The following FLG variants were observed in gnomAD, a reference collection of about 807,000 sequenced individuals.
The protein encoded by FLG is filaggrin, also known as epidermal filaggrin.
In FLG, 6 loss-of-function variants were observed where a neutral mutation model predicts 3.8. That is an observed-to-expected ratio of 1.60 (90% CI 0.87 to 3.15). FLG has a LOEUF of 3.15. FLG is among the 30% of genes most tolerant of loss of function. The pLI is 0.00. For synonymous variants in FLG, 2,551 were observed against 1,931.6 expected, an observed-to-expected ratio of 1.32 and a Z score of -8.41; for missense variants, 7,595 against 5,050.9, an observed-to-expected ratio of 1.50 and a Z score of -15.27.
chr1:152,309,748 C>A lies in FLG; in HGVS notation c.5138G>T (p.Gly1713Val). ...GTCACTGGCCTGGCTACCACTGGAC[C>A]CTCGGTTTCCACTGTCTCCGACTAC... ...SSVVGDSGNRGSSGSQASDSE... is the reference protein window; with the variant it reads ...SSVVGDSGNRVSSGSQASDSE... Residue 1713 changes from glycine to valine, a missense_variant, in exon 3 of 3, where the codon GGG becomes GTG. Physicochemically the swap from Gly to Val is moderately radical, Grantham distance 109. Coordinates refer to ENST00000368799, the MANE Select transcript of FLG (RefSeq NM_002016.2). The A allele has an allele frequency of 6.2e-7, 1 of 1,613,990 alleles. No individual in the cohort carries two copies. The highest frequency in any genetic ancestry group is 8.5e-7 in the Non-Finnish European group (1 of 1,179,998).
At position 152,308,809 on chromosome 1, in the gene FLG, T is replaced by C; in HGVS notation, c.6077A>G (p.Gln2026Arg). 1 of 1,614,184 alleles carries C rather than the reference T, an allele frequency of 6.2e-7. No homozygotes were observed. Among genetic ancestry groups the C allele is most frequent in the Non-Finnish European group, 8.5e-7 (1 of 1,180,016 alleles). ...ACTGTCTCTGACTGCAGATGAAGCT[T>C]GTCCATGCCCAATGCCTGAGTGTCT... ...SSRHSGIGHGQASSAVRDSGH... is the reference protein window; with the variant it reads ...SSRHSGIGHGRASSAVRDSGH... Residue 2026 changes from glutamine (Q) to arginine (R), a missense_variant, in exon 3 of 3, where the codon CAA becomes CGA. Transcript: ENST00000368799.
chr1:152,317,734 C>T (rs1314155992), intron 1 of FLG, among the ~76,000 whole-genome samples: 1 of 152,022 alleles, frequency 6.6e-6, no homozygotes, highest in Non-Finnish European at 1.5e-5. Context: ...TGACTGTCCC[C>T]TAAACTTGAG....
rs1437654638 is a variant in FLG, at chr1:152,311,604, G to C, written c.3282C>G (p.Pro1094=). Residue 1094 remains proline (P), a synonymous_variant, in exon 3 of 3, where the codon CCC becomes CCG. Transcript: ENST00000368799. The stretch of plus-strand genomic sequence containing the variant: ...CGGACTCTTGGTGGCTCTGCTGATG[G>C]GGCCCATCCTGTCCATGGCCTGACA... ...QSVSGHGQDG[P]HQQSHQESAR... 6.2e-7 allele frequency: 1 copy of C among 1,614,048 alleles called. No individual in the cohort carries two copies. The highest frequency in any genetic ancestry group is 8.5e-7 in the Non-Finnish European group (1 of 1,180,008).
At position 152,310,808 on chromosome 1, in the gene FLG, G is replaced by A. The variant is rs372081313; in HGVS notation, c.4078C>T (p.Arg1360Cys). The part of the protein sequence containing the change: ...RSSPGERHGS[R>C]HQQSADSSRH... ...GAGCTGTCTGCTGACTGCTGGTGGC[G>A]GGATCCATGTCTTTCTCCTGGACTT... The change falls in exon 3 of 3, where the codon CGC (arginine) becomes TGC (cysteine). Residue 1360 changes from arginine to cysteine, a missense_variant. Transcript: ENST00000368799. The A allele has an allele frequency of 7.3e-5, 117 of 1,611,602 alleles. No homozygotes were observed. The highest frequency in any genetic ancestry group is 2.1e-4 in the African/African-American group (16 of 74,790).
In FLG at chr1:152,313,388, C is replaced by G; in HGVS notation, c.1498G>C (p.Ala500Pro). The change falls in exon 3 of 3, where the codon GCA becomes CCA. Residue 500 changes from alanine to proline, a missense_variant. By Grantham distance (27) the Ala-to-Pro change is conservative. Transcript: ENST00000368799. ...GCTGAATGCCTGGAGCTGTCTCGTG[C>G]CTGCTCGTGGTGCGATCCTTGTCTT... ...GGRQGSHHEQ[A>P]RDSSRHSASQ... 8.1e-6 allele frequency: 13 copies of G among 1,613,442 alleles called. No homozygotes were observed. The highest frequency in any genetic ancestry group is 1.1e-5 in the Non-Finnish European group (13 of 1,179,800).
rs74129452 is a variant in FLG at position 152,308,424 on chromosome 1, T to C, written c.6462A>G (p.Gln2154=). The C allele has an allele frequency of 1.7e-5, 28 of 1,605,704 alleles. 1 individual carries two copies. Among genetic ancestry groups the C allele is most frequent in the Non-Finnish European group, 2.2e-5 (26 of 1,176,650 alleles). ...PSRGGRQGSH[Q]EQSVDRSGHS... Reference sequence around the variant, plus strand: ...GTCCAGACCTATCTACCGATTGCTCTTGGTGGGACCCCTGTCTTCCTCCTC... The same window carrying C: ...GTCCAGACCTATCTACCGATTGCTCCTGGTGGGACCCCTGTCTTCCTCCTC... Residue 2154 remains glutamine, a synonymous_variant, in exon 3 of 3, where the codon CAA becomes CAG. Transcript: ENST00000368799.
Position 152,309,138 on chromosome 1 carries a change from G to A in FLG, c.5748C>T (p.Ser1916=), listed in dbSNP as rs576960823. The A allele has an allele frequency of 1.9e-6, 3 of 1,613,712 alleles. No homozygotes were observed. Among genetic ancestry groups the A allele is most frequent in the African/African-American group, 2.7e-5 (2 of 75,008 alleles). ...SGPRTSRNQG[S]SVSQDSDSQG... ...GACTGTCACTGTCCTGGCTAACACT[G>A]GATCCCTGGTTCCTGCTTGTCCTGG... The change falls in exon 3 of 3, where the codon TCC becomes TCT. Residue 1916 remains serine (S), a synonymous_variant. Transcript: ENST00000368799.
chr1:152,320,909 A>G (rs539620002), intron 1 of FLG, among the ~76,000 whole-genome samples: 122 of 151,170 alleles, frequency 8.1e-4, no homozygotes, highest in African/African-American at 2.8e-3. Flanking sequence ...TTGAAAATTA[A>G]TGACTTCTAA....
chr1:152,313,054 G>A lies in FLG; in HGVS notation c.1832C>T (p.Pro611Leu), dbSNP rs749185132. Residue 611 changes from proline to leucine, a missense_variant, in exon 3 of 3, where the codon CCC (proline) becomes CTC (leucine). Pro to Leu is a moderately conservative substitution (Grantham distance 98). Coordinates refer to ENST00000368799, the MANE Select transcript of FLG (RefSeq NM_002016.2). The part of the protein sequence containing the change: ...SQVGQGQSSG[P>L]RTSRNQGSSV... ...GGATCCCTGGTTCCTACTTGTCCTG[G>A]GCCCCGATGATTGTCCCTGGCCCAC... The A allele has an allele frequency of 3.1e-6, 5 of 1,613,770 alleles. No individual in the cohort carries two copies. Among genetic ancestry groups the A allele is most frequent in the Admixed American group, 3.3e-5 (2 of 59,986 alleles).
chr1:152,311,434 TCTCGTGCCTG>T lies in FLG; in HGVS notation c.3442_3451del (p.Gln1148ThrfsTer35). On this transcript the variant is annotated frameshift_variant, in exon 3 of 3. Coordinates refer to ENST00000368799, the MANE Select transcript of FLG (RefSeq NM_002016.2). LOFTEE classifies it low-confidence loss of function (END_TRUNC). ...TTGGGACGCTGAGTGCCTGGAGCTG[TCTCGTGCCTG>T]CTCGTGGTGGGATCCTTGTCTTCGT... 6.2e-7 allele frequency: 1 copy of T among 1,613,976 alleles called. No homozygotes were observed. The highest frequency in any genetic ancestry group is 8.5e-7 in the Non-Finnish European group (1 of 1,179,972).
At chr1:152,321,873 C>G (rs943192129) in intron 1 of FLG, among the ~76,000 whole-genome samples, 2 of 151,142 alleles carry the variant, frequency 1.3e-5, no homozygotes, top group Non-Finnish European at 3.0e-5. Flanking sequence ...AGGACAATTC[C>G]TTTCATATAG....
rs555631824 is a variant in FLG, at chr1:152,309,890, C to T, written c.4996G>A (p.Ala1666Thr). Residue 1666 changes from alanine to threonine, a missense_variant, in exon 3 of 3, where the codon GCT (alanine) becomes ACT (threonine). Coordinates refer to ENST00000368799, the MANE Select transcript of FLG (RefSeq NM_002016.2). ...RHAETSSGGQAASSQEQARSS... is the reference protein window; with the variant it reads ...RHAETSSGGQTASSQEQARSS... The stretch of plus-strand genomic sequence containing the variant: ...CTTGCCTGTTCCTGGGATGATGCAG[C>T]CTGTCCACCAGAGGAAGTCTCTGCA... 24 of 1,614,066 alleles carry T rather than the reference C, an allele frequency of 1.5e-5. No homozygotes were observed. In the East Asian group the frequency reaches 4.7e-4, roughly 31 times the overall value.
In FLG at chr1:152,302,881, T is replaced by A. The variant is rs200277568; in HGVS notation, c.12005A>T (p.Asn4002Ile). The change falls in exon 3 of 3, where the codon AAT (asparagine) becomes ATT (isoleucine). Residue 4002 changes from asparagine to isoleucine, a missense_variant. Coordinates refer to ENST00000368799, the MANE Select transcript of FLG (RefSeq NM_002016.2). ...TTCCTTGAAAACAACAGGATTGGAA[T>A]TGTAACTAACACTTCCGTGCTGAGA... ...RHSQHGSVSY[N>I]SNPVVFKERS... 2 of 1,614,166 alleles carry A rather than the reference T, an allele frequency of 1.2e-6. No homozygotes were observed. The highest frequency in any genetic ancestry group is 2.2e-5 in the East Asian group (1 of 44,886).
At position 152,311,405 on chromosome 1, in the gene FLG, C is replaced by T. The variant is rs927863328; in HGVS notation, c.3481G>A (p.Gly1161Ser). 4 of 1,613,292 alleles carry T rather than the reference C, an allele frequency of 2.5e-6. No individual in the cohort carries two copies. Among genetic ancestry groups the T allele is most frequent in the Admixed American group, 1.7e-5 (1 of 59,938 alleles). Reference protein sequence around the residue: ...DSSRHSASQEGQDTIRAHPGS... With the variant: ...DSSRHSASQESQDTIRAHPGS... ...GGGTGTGCACGAATGGTGTCCTGAC[C>T]CTCTTGGGACGCTGAGTGCCTGGAG... Residue 1161 changes from glycine to serine, a missense_variant, in exon 3 of 3, where the codon GGT becomes AGT. By Grantham distance (56) the Gly-to-Ser change is moderately conservative. Coordinates refer to ENST00000368799, the MANE Select transcript of FLG (RefSeq NM_002016.2).
At position 152,310,495 on chromosome 1, in the gene FLG, C is replaced by T. The variant is rs2101646872; in HGVS notation, c.4391G>A (p.Gly1464Glu). The T allele has an allele frequency of 6.2e-7, 1 of 1,613,514 alleles. No individual in the cohort carries two copies. Among genetic ancestry groups the T allele is most frequent in the African/African-American group, 1.3e-5 (1 of 74,834 alleles). ...CTGCTCATGGCGGGATCCTTGTCTT[C>T]CTCCAGTGCTGGGTGCAGTCTGTCC... ...THGQTAPSTGGRQGSRHEQAR... is the reference protein window; with the variant it reads ...THGQTAPSTGERQGSRHEQAR... Residue 1464 changes from glycine (G) to glutamate (E), a missense_variant, in exon 3 of 3, where the codon GGA becomes GAA. Transcript: ENST00000368799.
chr1:152,321,052 C>CTA (rs201366856), intron 1 of FLG, among the ~76,000 whole-genome samples: 17 of 149,822 alleles, frequency 1.1e-4, no homozygotes, highest in Non-Finnish European at 1.6e-4. Context: ...TATTTATAGC[C>CTA]TATATATATA....
In FLG at chr1:152,307,572, T is replaced by C. The variant is rs1274325968; in HGVS notation, c.7314A>G (p.Arg2438=). ...GTGCCTGCTTGTGGTGGGATCCTTG[T>C]CTTCCTCCAGTGCTGGTCCCGGTCC... ...HGRTGTSTGG[R]QGSHHKQARD... The change falls in exon 3 of 3, where the codon AGA becomes AGG. Residue 2438 remains arginine (R), a synonymous_variant. Transcript: ENST00000368799. 1.2e-6 allele frequency: 2 copies of C among 1,613,848 alleles called. No homozygotes were observed. Among genetic ancestry groups the C allele is most frequent in the Admixed American group, 3.3e-5 (2 of 59,994 alleles).
chr1:152,311,485 G>T lies in FLG; in HGVS notation c.3401C>A (p.Thr1134Asn). 2.5e-6 allele frequency: 4 copies of T among 1,613,866 alleles called. No individual in the cohort carries two copies. Among genetic ancestry groups the T allele is most frequent in the Non-Finnish European group, 3.4e-6 (4 of 1,179,962 alleles). ...TTGTCTTCGTCCAGTGCTGGTCCTG[G>T]TCCGCCCATGGGCAGACTCAGACTG... ...HEQSESAHGR[T>N]RTSTGRRQGS... is the part of the protein sequence containing the mutation. The change falls in exon 3 of 3, where the codon ACC becomes AAC. Residue 1134 changes from threonine (T) to asparagine (N), a missense_variant. Thr to Asn is a moderately conservative substitution (Grantham distance 65, BLOSUM62 0). Coordinates refer to ENST00000368799, the MANE Select transcript of FLG (RefSeq NM_002016.2).
At position 152,306,008 on chromosome 1, in the gene FLG, C is replaced by G. The variant is rs61690342; in HGVS notation, c.8878G>C (p.Gly2960Arg). 6.3e-7 allele frequency: 1 copy of G among 1,581,790 alleles called. No individual in the cohort carries two copies. Among genetic ancestry groups the G allele is most frequent in the Non-Finnish European group, 8.5e-7 (1 of 1,172,602 alleles). ...TCATGGGATGATGCAGCCTGTCCAC[C>G]AGAGGAAGTCTGTGTGTGACGAGTG... Reference protein sequence around the residue: ...SGTRHTQTSSGGQAASSHEQA... With the variant: ...SGTRHTQTSSRGQAASSHEQA... The change falls in exon 3 of 3, where the codon GGT (glycine) becomes CGT (arginine). Residue 2960 changes from glycine (G) to arginine (R), a missense_variant. Coordinates refer to ENST00000368799, the MANE Select transcript of FLG (RefSeq NM_002016.2).
Sources: gnomAD v4.1 joint callset for allele counts (sites outside exome capture counted in the v4.1 genomes callset) on GRCh38, gnomAD v4.1.1 for gene constraint, MANE v1.5 for transcripts, NCBI Gene and HGNC (gene_info 2026-07-23, HGNC 2026-07-21) for gene names.